Variants in TENM1 observed in about 807,000 individuals in gnomAD.
TENM1 encodes teneurin-1.
TENM1 carries 35 observed loss-of-function variants against 174.8 expected under a neutral mutation model. The observed-to-expected ratio is 0.20, with a 90% CI of 0.15 to 0.27. TENM1 has a LOEUF of 0.27. Ranked by LOEUF, TENM1 falls within the 10% of genes least tolerant of loss-of-function variation. The pLI is 1.00. For missense variants in TENM1, 1,633 were observed against 2,130.1 expected (o/e 0.77, Z 4.59); for synonymous variants, 781 against 798.7 (o/e 0.98, Z 0.37).
At chrX:124,379,940 C>A (rs1229697519) in exon 32 of TENM1, 1 of 111,967 alleles carries the variant, frequency 8.9e-6, no homozygotes, top group Non-Finnish European at 1.9e-5. Context: ...CACCACACGC[C>A]AAAACACAGC....
At chrX:124,408,839 G>T (rs1274920083) in intron 25 of TENM1, among the ~76,000 whole-genome samples, 5 of 55,820 alleles carry the variant, frequency 9.0e-5, no homozygotes, top group African/African-American at 4.2e-4. Context: ...CCCACAACAG[G>T]CCCCAGAGTG....
Position 124,731,661 on chromosome X carries a change from G to A in TENM1, c.776+5296C>T, listed in dbSNP as rs531804541. Among the ~76,000 whole-genome samples the A allele has an allele frequency of 6.6e-4, 74 of 111,918 alleles. No individual in the cohort carries two copies. In the South Asian group the frequency reaches 0.023, roughly 35 times the overall value. On this transcript the variant is annotated intron_variant, in intron 4 of 31. Transcript: ENST00000422452. ...GTTAATAAAAGAACAGTTTGTGAGC[G>A]CTTAGGAAAAAAGTAGTAACCATAA...
the TENM1 span, among the ~76,000 whole-genome samples, chrX:124,980,269 A>G: frequency 9.0e-6 from 1 of 111,219 alleles, no homozygotes. Context: ...GTGCAGCAAT[A>G]TGGTTTATGA....
At chrX:124,539,115 G>T (rs2048266378) in intron 15 of TENM1, among the ~76,000 whole-genome samples, 1 of 111,385 alleles carries the variant, frequency 9.0e-6, no homozygotes, top group Non-Finnish European at 1.9e-5. Context: ...CCTTGACAAA[G>T]GTTTGTTTTA....
intron 4 of TENM1, among the ~76,000 whole-genome samples, chrX:124,736,006 C>T (rs900845069): frequency 9.0e-6 from 1 of 110,874 alleles, no homozygotes; most frequent in Non-Finnish European, 1.9e-5. Context: ...GGTGAGGGTA[C>T]ACTAGAAGCC....
chrX:125,133,699 T>A, the TENM1 span, among the ~76,000 whole-genome samples: 1 of 111,907 alleles, frequency 8.9e-6, no homozygotes, highest in African/African-American at 3.3e-5. Context: ...TTTGTCCCAG[T>A]TGAGACCAGT....
chrX:124,734,775 C>T (rs1371978039), intron 4 of TENM1, among the ~76,000 whole-genome samples: 1 of 111,704 alleles, frequency 9.0e-6, no homozygotes, highest in Non-Finnish European at 1.9e-5. Flanking sequence ...CTTTCCATTC[C>T]AATTCCCAGA....
chrX:124,465,830 G>A (rs887032859), intron 22 of TENM1, among the ~76,000 whole-genome samples: 5 of 110,465 alleles, frequency 4.5e-5, no homozygotes, highest in African/African-American at 6.6e-5. Context: ...GAGTCCTCCC[G>A]TGTCTCCCCA....
At chrX:124,488,392 A>T (rs758857554) in intron 20 of TENM1, among the ~76,000 whole-genome samples, 5 of 112,304 alleles carry the variant, frequency 4.5e-5, no homozygotes, top group African/African-American at 6.5e-5. Flanking sequence ...AAAATTTTTC[A>T]TCTGAAGTTA....
intron 1 of TENM1, among the ~76,000 whole-genome samples, chrX:124,936,059 C>T (rs187194998): frequency 8.9e-6 from 1 of 111,903 alleles, no homozygotes; most frequent in East Asian, 2.8e-4. Context: ...CAAACAACTG[C>T]CAAAGTACTC....
At chrX:124,960,412 T>C (rs2058636018) in intron 1 of TENM1, among the ~76,000 whole-genome samples, 1 of 112,511 alleles carries the variant, frequency 8.9e-6, no homozygotes, top group South Asian at 3.7e-4. Flanking sequence ...ATTGCAATAA[T>C]GTGTTTTGAG....
exon 12 of TENM1, chrX:124,565,488 A>G: frequency 8.3e-7 from 1 of 1,209,910 alleles, no homozygotes; most frequent in Non-Finnish European, 1.1e-6. Context: ...TGTTGGTCCT[A>G]CCCAGCCTTC....
At chrX:125,163,461 T>A in the TENM1 span, among the ~76,000 whole-genome samples, 1 of 111,264 alleles carries the variant, frequency 9.0e-6, no homozygotes, top group Non-Finnish European at 1.9e-5. Flanking sequence ...CCAGGGTATT[T>A]TTAAGGATGG....
exon 17 of TENM1, chrX:124,523,379 A>G (rs2047897736): frequency 8.3e-7 from 1 of 1,210,192 alleles, no homozygotes; most frequent in South Asian, 1.8e-5. Context: ...GCTCAGGAAC[A>G]ATAGTTCCCC....
chrX:124,480,318 C>T (rs1276124596), intron 22 of TENM1, among the ~76,000 whole-genome samples: 4 of 111,980 alleles, frequency 3.6e-5, no homozygotes, highest in Admixed American at 1.9e-4. Flanking sequence ...GCCAGAGGGG[C>T]TTTATAAAAG....
chrX:124,748,900 T>G (rs2053998057), intron 3 of TENM1, among the ~76,000 whole-genome samples: 1 of 111,708 alleles, frequency 9.0e-6, no homozygotes, highest in African/African-American at 3.2e-5. Context: ...TACAAAACAC[T>G]TAGCAGAGTG....
intron 22 of TENM1, among the ~76,000 whole-genome samples, chrX:124,464,357 A>C: frequency 8.9e-6 from 1 of 112,404 alleles, no homozygotes; most frequent in Non-Finnish European, 1.9e-5. Context: ...CAATAAAAGC[A>C]GGATATGAGG....
chrX:125,056,489 T>G, the TENM1 span, among the ~76,000 whole-genome samples: 1 of 111,564 alleles, frequency 9.0e-6, no homozygotes, highest in Non-Finnish European at 1.9e-5. Flanking sequence ...ATTGTACCAC[T>G]GGTAATTAAA....
At chrX:124,656,887 G>T (rs1211429583) in intron 6 of TENM1, among the ~76,000 whole-genome samples, 2 of 110,774 alleles carry the variant, frequency 1.8e-5, no homozygotes, top group Non-Finnish European at 3.8e-5. Flanking sequence ...GCCAAGGCGG[G>T]TGGATAACCT....
Sources: gnomAD v4.1 joint callset for allele counts (sites outside exome capture counted in the v4.1 genomes callset) on GRCh38, gnomAD v4.1.1 for gene constraint, MANE v1.5 for transcripts, NCBI Gene and HGNC (gene_info 2026-07-23, HGNC 2026-07-21) for gene names.